NEGR1: variants seen among roughly 807,000 people sequenced by gnomAD.
NEGR1 encodes neuronal growth regulator 1, also known as IgLON family member 4.
A neutral mutation model predicts 40.9 loss-of-function variants in NEGR1; 10 were observed. The observed-to-expected ratio is 0.24, with a 90% CI of 0.15 to 0.42. The LOEUF (loss-of-function observed/expected upper bound fraction) is 0.42, where lower values mean the gene tolerates loss of function less well. NEGR1 is among the 10% of genes least tolerant of loss of function. The pLI, the probability that NEGR1 is intolerant of heterozygous loss-of-function variation, is 1.00. For missense variants in NEGR1, 352 were observed against 438.9 expected (o/e 0.80, Z 1.77); for synonymous variants, 185 against 166.8 (o/e 1.11, Z -0.84).
chr1:71,903,917 GC>G (rs769876770), intron 2 of NEGR1, among the ~76,000 whole-genome samples: 38 of 151,836 alleles, frequency 2.5e-4, no homozygotes, highest in Non-Finnish European at 4.6e-4. Context: ...ACGTTAGTGT[GC>G]ATAAACAGAT....
chr1:71,519,973 T>C (rs1303472129), intron 6 of NEGR1, among the ~76,000 whole-genome samples: 1 of 152,036 alleles, frequency 6.6e-6, no homozygotes, highest in African/African-American at 2.4e-5. Flanking sequence ...AAAAAATATC[T>C]AGTAAAATGA....
chr1:71,956,624 T>C (rs1286560435), intron 1 of NEGR1, among the ~76,000 whole-genome samples: 1 of 152,142 alleles, frequency 6.6e-6, no homozygotes, highest in African/African-American at 2.4e-5. Flanking sequence ...TTAATAGTTA[T>C]TTCACATTTC....
At chr1:72,093,396 A>G (rs548328670) in intron 1 of NEGR1, among the ~76,000 whole-genome samples, 5 of 151,836 alleles carry the variant, frequency 3.3e-5, no homozygotes, top group African/African-American at 1.2e-4. Context: ...TTAAACTAAC[A>G]ATTTCACATA....
chr1:71,548,651 T>A (rs1237937154), intron 6 of NEGR1, among the ~76,000 whole-genome samples: 1 of 151,710 alleles, frequency 6.6e-6, no homozygotes, highest in Non-Finnish European at 1.5e-5. Flanking sequence ...AGCAGATTGT[T>A]AAAACATGCC....
chr1:71,904,301 C>T (rs1044337778), intron 2 of NEGR1, among the ~76,000 whole-genome samples: 1 of 151,746 alleles, frequency 6.6e-6, no homozygotes, highest in Non-Finnish European at 1.5e-5. Context: ...TTATAAAATG[C>T]CATTATTAAT....
chr1:72,246,507 T>C (rs752131144), intron 1 of NEGR1, among the ~76,000 whole-genome samples: 2 of 152,230 alleles, frequency 1.3e-5, no homozygotes, highest in Non-Finnish European at 2.9e-5. Context: ...AAAAATCAGC[T>C]TAAGCATTTT....
At chr1:71,780,158 C>T (rs1656662153) in intron 2 of NEGR1, among the ~76,000 whole-genome samples, 1 of 151,282 alleles carries the variant, frequency 6.6e-6, no homozygotes, top group South Asian at 2.1e-4. Context: ...CCCTCACATC[C>T]TTTTCTAAAT....
At chr1:71,653,920 T>C (rs1441846580) in intron 4 of NEGR1, among the ~76,000 whole-genome samples, 1 of 152,150 alleles carries the variant, frequency 6.6e-6, no homozygotes, top group Non-Finnish European at 1.5e-5. Context: ...GGCTCCAAAG[T>C]CCTATTCTTT....
At chr1:71,804,289 T>G (rs955190581) in intron 2 of NEGR1, among the ~76,000 whole-genome samples, 5 of 152,178 alleles carry the variant, frequency 3.3e-5, no homozygotes, top group African/African-American at 1.2e-4. Context: ...CCAACTAATG[T>G]GAATGTTGCA....
chr1:71,685,355 T>G (rs1350157018), intron 4 of NEGR1, among the ~76,000 whole-genome samples: 1 of 146,514 alleles, frequency 6.8e-6, no homozygotes, highest in Non-Finnish European at 1.5e-5. Context: ...GGAGTTTCAC[T>G]CTTTTTGCCC....
At chr1:71,927,580 A>T (rs1005379755) in intron 2 of NEGR1, among the ~76,000 whole-genome samples, 2 of 152,012 alleles carry the variant, frequency 1.3e-5, no homozygotes, top group African/African-American at 4.8e-5. Flanking sequence ...TAACTATTCT[A>T]AATTGTTTAG....
chr1:72,154,841 A>C (rs1651301024), intron 1 of NEGR1, among the ~76,000 whole-genome samples: 1 of 152,034 alleles, frequency 6.6e-6, no homozygotes, highest in African/African-American at 2.4e-5. Flanking sequence ...TTCAGGATGA[A>C]GGTCAGAAGT....
intron 5 of NEGR1, among the ~76,000 whole-genome samples, chr1:71,597,215 G>T (rs561286423): frequency 6.6e-6 from 1 of 152,054 alleles, no homozygotes; most frequent in African/African-American, 2.4e-5. Context: ...CAAAAATGAG[G>T]TTTTATTTGG....
At chr1:71,715,091 G>A (rs1311614666) in intron 3 of NEGR1, among the ~76,000 whole-genome samples, 1 of 152,180 alleles carries the variant, frequency 6.6e-6, no homozygotes, top group Non-Finnish European at 1.5e-5. Flanking sequence ...CTCGATTCTT[G>A]ACATCTGTGC....
chr1:72,138,594 GTTAT>G (rs1650556324), intron 1 of NEGR1, among the ~76,000 whole-genome samples: 1 of 151,856 alleles, frequency 6.6e-6, no homozygotes, highest in Non-Finnish European at 1.5e-5. Context: ...TAGAAAAAAG[GTTAT>G]TTCAGAGCAA....
At chr1:71,430,323 C>T (rs189022034) in intron 6 of NEGR1, among the ~76,000 whole-genome samples, 1 of 152,146 alleles carries the variant, frequency 6.6e-6, no homozygotes, top group African/African-American at 2.4e-5. Flanking sequence ...TTGACCTGGC[C>T]TCTGCTGGGT....
chr1:71,871,227 TTAG>T (rs1172401238), intron 2 of NEGR1, among the ~76,000 whole-genome samples: 1 of 152,132 alleles, frequency 6.6e-6, no homozygotes, highest in Non-Finnish European at 1.5e-5. Context: ...AGGTGACATA[TTAG>T]GCTGAGATGT....
chr1:72,081,281 T>C (rs888273773), intron 1 of NEGR1, among the ~76,000 whole-genome samples: 2 of 152,032 alleles, frequency 1.3e-5, no homozygotes, highest in African/African-American at 4.8e-5. Context: ...AGTCTTGCCC[T>C]ATCTAATGAG....
At chr1:72,189,644 G>T (rs1652745324) in intron 1 of NEGR1, among the ~76,000 whole-genome samples, 1 of 151,500 alleles carries the variant, frequency 6.6e-6, no homozygotes, top group Admixed American at 6.6e-5. Flanking sequence ...TTTGTTTAAT[G>T]ATTGGCTAAT....
Sources: allele counts gnomAD v4.1 joint callset (sites outside exome capture counted in the v4.1 genomes callset), GRCh38; gene constraint gnomAD v4.1.1; transcripts MANE v1.5; gene names NCBI Gene and HGNC (gene_info 2026-07-23, HGNC 2026-07-21).